Variants in KIAA1328 observed in about 807,000 individuals in gnomAD.
The protein encoded by KIAA1328 is KIAA1328.
A neutral mutation model predicts 68.1 loss-of-function variants in KIAA1328; 52 were observed. The ratio of observed to expected loss-of-function variants is 0.76; its 90% CI spans 0.61 to 0.96. The LOEUF is 0.96. Ranked by LOEUF, KIAA1328 falls within the 40% of genes least tolerant of loss-of-function variation. The pLI, the probability that KIAA1328 is intolerant of heterozygous loss-of-function variation, is 0.00. For missense variants in KIAA1328, 641 were observed against 677.6 expected (o/e 0.95, Z 0.60); for synonymous variants, 232 against 239.4 (o/e 0.97, Z 0.28).
At chr18:37,166,037 AT>A (rs1157622407) in intron 8 of KIAA1328, among the ~76,000 whole-genome samples, 724 of 136,012 alleles carry the variant, frequency 5.3e-3, no homozygotes, top group Middle Eastern at 7.5e-3. Context: ...TGGGGTGGTA[AT>A]TTTTTTTTTT....
Position 36,885,678 on chromosome 18 carries a change from C to T in KIAA1328, c.448+6C>T. On this transcript the variant is annotated splice_donor_region_variant and intron_variant, in intron 5 of 9. Coordinates refer to ENST00000280020, the MANE Select transcript of KIAA1328 (RefSeq NM_020776.3). ...GATCATCAAAGAAAGGGAAGATATCCTTTTGAAAGTTCTCTTTTTTAACGT... is the reference window on the plus strand; with the variant it reads ...GATCATCAAAGAAAGGGAAGATATCTTTTTGAAAGTTCTCTTTTTTAACGT... The T allele has an allele frequency of 1.3e-6, 2 of 1,496,460 alleles. No homozygotes were observed. Among genetic ancestry groups the T allele is most frequent in the Non-Finnish European group, 1.8e-6 (2 of 1,100,130 alleles). The allele number at this position is 1,496,460 out of a possible 1,614,324, so 92.7% of individuals were successfully genotyped here.
At chr18:37,190,958 C>G (rs1236919172) in intron 9 of KIAA1328, among the ~76,000 whole-genome samples, 2 of 152,172 alleles carry the variant, frequency 1.3e-5, no homozygotes, top group African/African-American at 4.8e-5. Context: ...CTGTCTGGGT[C>G]TTTTTACTGC....
At chr18:36,879,942 C>T (rs1051050563) in intron 4 of KIAA1328, among the ~76,000 whole-genome samples, 3 of 152,192 alleles carry the variant, frequency 2.0e-5, no homozygotes, top group African/African-American at 7.2e-5. Context: ...GAATTTCAAG[C>T]CGGTGGATCT....
intron 7 of KIAA1328, among the ~76,000 whole-genome samples, chr18:37,114,970 G>T (rs576147841): frequency 2.0e-5 from 3 of 152,254 alleles, no homozygotes; most frequent in African/African-American, 7.2e-5. Context: ...CAAGGAAGAA[G>T]TTGAATCCCT....
At chr18:36,997,329 A>T (rs1436174730) in intron 6 of KIAA1328, among the ~76,000 whole-genome samples, 2 of 152,006 alleles carry the variant, frequency 1.3e-5, no homozygotes, top group Non-Finnish European at 2.9e-5. Context: ...TCTTATTAAG[A>T]TTTTGTGGTT....
chr18:37,013,851 A>C (rs953869092), intron 6 of KIAA1328, among the ~76,000 whole-genome samples: 1 of 152,172 alleles, frequency 6.6e-6, no homozygotes, highest in Non-Finnish European at 1.5e-5. Flanking sequence ...TTTCTTTTGC[A>C]TACATACCCA....
intron 7 of KIAA1328, among the ~76,000 whole-genome samples, chr18:37,098,250 C>G (rs2057476579): frequency 6.6e-6 from 1 of 152,204 alleles, no homozygotes; most frequent in African/African-American, 2.4e-5. Context: ...TATGTCCCAT[C>G]AATACCTAAT....
chr18:36,848,948 GTTGAA>G (rs2047126030), intron 4 of KIAA1328, among the ~76,000 whole-genome samples: 1 of 151,330 alleles, frequency 6.6e-6, no homozygotes, highest in African/African-American at 2.4e-5. Flanking sequence ...TTTTTACTCT[GTTGAA>G]TTGATTACCT....
At chr18:36,954,030 C>G (rs1016969311) in intron 5 of KIAA1328, among the ~76,000 whole-genome samples, 1 of 129,896 alleles carries the variant, frequency 7.7e-6, no homozygotes. Context: ...GAGTCTCGCT[C>G]TGTCGCCCAG....
At chr18:36,848,831 T>G (rs2047121012) in intron 4 of KIAA1328, among the ~76,000 whole-genome samples, 1 of 151,558 alleles carries the variant, frequency 6.6e-6, no homozygotes, top group Non-Finnish European at 1.5e-5. Flanking sequence ...ATTTTTATTC[T>G]TTTTTCCGTT....
At chr18:37,018,841 G>A (rs2054240847) in intron 6 of KIAA1328, among the ~76,000 whole-genome samples, 1 of 151,780 alleles carries the variant, frequency 6.6e-6, no homozygotes, top group African/African-American at 2.4e-5. Flanking sequence ...TGCTCTAGAA[G>A]TTTCTTTGTT....
chr18:37,123,004 A>G (rs536644408), intron 7 of KIAA1328, among the ~76,000 whole-genome samples: 1 of 152,300 alleles, frequency 6.6e-6, no homozygotes, highest in South Asian at 2.1e-4. Flanking sequence ...TTAATAGCTC[A>G]AGCTCTGGAA....
intron 6 of KIAA1328, among the ~76,000 whole-genome samples, chr18:37,060,784 C>T (rs914093725): frequency 3.9e-5 from 6 of 152,116 alleles, no homozygotes; most frequent in Non-Finnish European, 7.4e-5. Flanking sequence ...TATCCATCAA[C>T]AAGAGAATGA....
chr18:36,883,637 A>C lies in KIAA1328; in HGVS notation c.333-1920A>C, dbSNP rs143606710. ...CCCATAGGGTAATGTCGATATTCCC[A>C]AATTGGAAACTGTTTGAAATCTGAA... is the stretch of plus-strand genomic sequence containing the variant. On this transcript the variant is annotated intron_variant, in intron 4 of 9. Coordinates refer to ENST00000280020, the MANE Select transcript of KIAA1328 (RefSeq NM_020776.3). 2.1e-3 allele frequency among the ~76,000 whole-genome samples: 318 copies of C among 152,286 alleles called. 2 individuals are homozygous for C. The highest frequency in any genetic ancestry group is 0.017 in the Middle Eastern group (5 of 294).
chr18:37,130,518 G>A (rs868788444), intron 7 of KIAA1328, among the ~76,000 whole-genome samples: 3 of 152,016 alleles, frequency 2.0e-5, no homozygotes, highest in East Asian at 1.9e-4. Flanking sequence ...CTCAGGAGAC[G>A]GAGGCAGGAG....
At chr18:37,144,523 T>C (rs2058850814) in intron 7 of KIAA1328, among the ~76,000 whole-genome samples, 1 of 152,090 alleles carries the variant, frequency 6.6e-6, no homozygotes, top group South Asian at 2.1e-4. Flanking sequence ...GAAATTATTT[T>C]TCCTCTAAGC....
chr18:37,212,870 G>T (rs1490062933), intron 9 of KIAA1328, among the ~76,000 whole-genome samples: 1 of 152,094 alleles, frequency 6.6e-6, no homozygotes, highest in Non-Finnish European at 1.5e-5. Flanking sequence ...ACAGGCACGA[G>T]CCCCCACACC....
rs900890078 is a variant in KIAA1328 at position 37,223,553 on chromosome 18, G to A, written c.*1326G>A. 1 of 985,316 alleles carries A rather than the reference G, an allele frequency of 1.0e-6. No homozygotes were observed. The allele number at this position is 985,316 out of a possible 1,614,324, so 61.0% of individuals were successfully genotyped here. A position where few individuals can be genotyped will look rare whatever the true frequency, so the allele number is the denominator to read the frequency against. On this transcript the variant is annotated 3_prime_UTR_variant, in exon 10 of 10. Coordinates refer to ENST00000280020, the MANE Select transcript of KIAA1328 (RefSeq NM_020776.3). ...TTACTTGGGAATTTTATTTGATCTG[G>A]AGGGTGTGGCTTTTTTTCTCTCCTT...
At chr18:37,011,295 C>T (rs2053971625) in intron 6 of KIAA1328, among the ~76,000 whole-genome samples, 2 of 152,188 alleles carry the variant, frequency 1.3e-5, no homozygotes, top group African/African-American at 4.8e-5. Flanking sequence ...CCTGCCACTA[C>T]ATTACCTATC....
Sources: allele counts gnomAD v4.1 joint callset (sites outside exome capture counted in the v4.1 genomes callset), GRCh38; gene constraint gnomAD v4.1.1; transcripts MANE v1.5; gene names NCBI Gene and HGNC (gene_info 2026-07-23, HGNC 2026-07-21).